STPG2: variants seen among roughly 807,000 people sequenced by gnomAD.
The protein encoded by STPG2 is sperm tail PG-rich repeat containing 2, also known as sperm-tail PG-rich repeat-containing protein 2.
A neutral mutation model predicts 54.2 loss-of-function variants in STPG2; 56 were observed. That is an observed-to-expected ratio of 1.03 (90% confidence interval 0.83 to 1.29). The LOEUF (loss-of-function observed/expected upper bound fraction) is 1.29, where lower values mean the gene tolerates loss of function less well. Among genes scored for constraint, STPG2 ranks in the 50% most tolerant of loss-of-function variants. The pLI is 0.00. For missense variants in STPG2, 596 were observed against 544.9 expected (o/e 1.09, Z -0.93); for synonymous variants, 200 against 181.8 (o/e 1.10, Z -0.81).
chr4:97,454,600 T>C (rs952547264), intron 4 of STPG2, among the ~76,000 whole-genome samples: 1 of 150,822 alleles, frequency 6.6e-6, no homozygotes, highest in East Asian at 1.9e-4. Flanking sequence ...TAATCAGTTT[T>C]GTATTTGTAA....
chr4:97,476,038 T>C lies in STPG2; in HGVS notation c.462+236661A>G, dbSNP rs200305259. Reference sequence around the variant, plus strand: ...GAAGAAATATTGTCCATCTCTCTCATGCCTGTATACCTAGTGCTAAAGACA... The same window carrying C: ...GAAGAAATATTGTCCATCTCTCTCACGCCTGTATACCTAGTGCTAAAGACA... On this transcript the variant is annotated intron_variant, in intron 4 of 4. Transcript: ENST00000522676. 1.1e-4 allele frequency among the ~76,000 whole-genome samples: 17 copies of C among 152,320 alleles called. No homozygotes were observed. The East Asian group carries it at 2.9e-3, about 26-fold the overall frequency.
At chr4:97,825,157 A>C (rs1186144359) in intron 9 of STPG2, among the ~76,000 whole-genome samples, 1 of 152,140 alleles carries the variant, frequency 6.6e-6, no homozygotes, top group African/African-American at 2.4e-5. Flanking sequence ...TTTTAGGAAA[A>C]ACTTCTCTTT....
At chr4:98,000,801 T>A (rs550752233) in intron 5 of STPG2, among the ~76,000 whole-genome samples, 2 of 152,222 alleles carry the variant, frequency 1.3e-5, no homozygotes, top group African/African-American at 4.8e-5. Flanking sequence ...GCCATTCAAA[T>A]GAGAAAAATT....
intron 8 of STPG2, among the ~76,000 whole-genome samples, chr4:97,896,356 C>T (rs1187040168): frequency 6.6e-6 from 1 of 151,702 alleles, no homozygotes; most frequent in Non-Finnish European, 1.5e-5. Flanking sequence ...AACATGTCAA[C>T]TACCACTTAA....
At chr4:97,541,220 C>G (rs1733329758) in intron 4 of STPG2, among the ~76,000 whole-genome samples, 1 of 151,960 alleles carries the variant, frequency 6.6e-6, no homozygotes. Context: ...TCTAGAAAAC[C>G]CCATCATCTC....
chr4:98,088,894 A>G (rs2110124127), intron 5 of STPG2, among the ~76,000 whole-genome samples: 1 of 152,248 alleles, frequency 6.6e-6, no homozygotes, highest in South Asian at 2.1e-4. Context: ...TAAAGTAACC[A>G]ATAATATCGA....
intron 4 of STPG2, among the ~76,000 whole-genome samples, chr4:97,446,407 T>C (rs1729222876): frequency 6.6e-6 from 1 of 152,206 alleles, no homozygotes; most frequent in South Asian, 2.1e-4. Flanking sequence ...GCGATACAAA[T>C]ATATTGCTTT....
intron 4 of STPG2, among the ~76,000 whole-genome samples, chr4:97,450,605 TC>T (rs1729341390): frequency 6.6e-6 from 1 of 151,740 alleles, no homozygotes; most frequent in Non-Finnish European, 1.5e-5. Context: ...CACTCCAGAC[TC>T]AAAGATCAAC....
At position 97,840,748 on chromosome 4, in the gene STPG2, G is replaced by A. The variant is rs761812721; in HGVS notation, c.1204+25C>T. On this transcript the variant is annotated intron_variant, in intron 9 of 10. Transcript: ENST00000295268. Reference sequence around the variant, plus strand: ...AAACCTTAGAATTTTTTTCCTCATAGCTTTATAAGGACTTCTAGACTTACC... The same window carrying A: ...AAACCTTAGAATTTTTTTCCTCATAACTTTATAAGGACTTCTAGACTTACC... The A allele has an allele frequency of 1.9e-6, 3 of 1,580,892 alleles. No homozygotes were observed. The East Asian group carries it at 6.7e-5, about 36-fold the overall frequency.
At chr4:97,563,957 G>A (rs1410660528) in intron 10 of STPG2, among the ~76,000 whole-genome samples, 1 of 152,134 alleles carries the variant, frequency 6.6e-6, no homozygotes, top group African/African-American at 2.4e-5. Flanking sequence ...GGTCTGCTTG[G>A]TGCAGAGCTG....
intron 4 of STPG2, among the ~76,000 whole-genome samples, chr4:97,477,520 A>G (rs1012580976): frequency 4.4e-5 from 6 of 136,332 alleles, no homozygotes; most frequent in Non-Finnish European, 9.1e-5. Flanking sequence ...TCTGTTGCTC[A>G]GGCAGGAGTG....
At chr4:97,653,030 G>A (rs1414385589) in intron 10 of STPG2, among the ~76,000 whole-genome samples, 1 of 151,876 alleles carries the variant, frequency 6.6e-6, no homozygotes, top group Non-Finnish European at 1.5e-5. Flanking sequence ...AACAAAAGTA[G>A]AGACCTTAGT....
intron 10 of STPG2, among the ~76,000 whole-genome samples, chr4:97,627,786 G>A (rs553870076): frequency 6.6e-6 from 1 of 152,174 alleles, no homozygotes; most frequent in Admixed American, 6.5e-5. Context: ...CATAACACTG[G>A]TAGCTAAGAA....
chr4:97,843,609 C>A (rs1235898829), intron 8 of STPG2, among the ~76,000 whole-genome samples: 1 of 151,808 alleles, frequency 6.6e-6, no homozygotes, highest in Non-Finnish European at 1.5e-5. Context: ...AATGGGATAT[C>A]AAAACGGAAT....
chr4:97,510,841 G>A (rs989440964), intron 4 of STPG2, among the ~76,000 whole-genome samples: 4 of 152,110 alleles, frequency 2.6e-5, no homozygotes, highest in African/African-American at 4.8e-5. Context: ...AGTGGCTCAC[G>A]CCGGTAATCC....
chr4:98,139,334 A>G (rs908642497), intron 1 of STPG2, among the ~76,000 whole-genome samples: 1 of 152,202 alleles, frequency 6.6e-6, no homozygotes, highest in African/African-American at 2.4e-5. Flanking sequence ...CAGTGGGAGA[A>G]CAGCAGTTAG....
At chr4:97,943,776 CCAAGGAGGTTACAGCACGCTACCAGT>C in intron 8 of STPG2, 95 bp downstream of exon 8, 1 of 643,326 alleles carries the variant, frequency 1.6e-6, no homozygotes, top group Non-Finnish European at 2.6e-6. Context: ...ATCGGTCTAG[CCAAGGAGGTTACAGCACGCTACCAGT>C]TACCTCACTC....
intron 10 of STPG2, among the ~76,000 whole-genome samples, chr4:97,645,235 C>G (rs1316117646): frequency 4.6e-5 from 7 of 150,908 alleles, no homozygotes; most frequent in Non-Finnish European, 8.9e-5. Context: ...AAAAAAAATC[C>G]CCACTCACAA....
rs544853640 is a variant in STPG2 at position 97,629,882 on chromosome 4, T to G, written c.1321-70765A>C. 7.2e-5 allele frequency among the ~76,000 whole-genome samples: 11 copies of G among 152,042 alleles called. No homozygotes were observed. The East Asian group carries it at 1.4e-3, about 19-fold the overall frequency. ...GAAATTTTGTAAGTGAAATAGAATT[T>G]GCAAAGGCACAGAAACCTTGGAAAG... is the stretch of plus-strand genomic sequence containing the variant. On this transcript the variant is annotated intron_variant, in intron 10 of 10. Transcript: ENST00000295268.
Sources: allele counts gnomAD v4.1 joint callset (sites outside exome capture counted in the v4.1 genomes callset), GRCh38; gene constraint gnomAD v4.1.1; transcripts MANE v1.5; gene names NCBI Gene and HGNC (gene_info 2026-07-23, HGNC 2026-07-21).